ACSS3: variants seen among roughly 807,000 people sequenced by gnomAD.
ACSS3 encodes acyl-CoA synthetase short chain family member 3.
In ACSS3, 64 loss-of-function variants were observed where a neutral mutation model predicts 84.2. The ratio of observed to expected loss-of-function variants is 0.76; its 90% CI spans 0.62 to 0.94. The LOEUF is 0.94. ACSS3 is among the 40% of genes least tolerant of loss of function. ACSS3 has a pLI of 0.00. For synonymous variants in ACSS3, 317 were observed against 310.1 expected (o/e 1.02, Z -0.23); for missense variants, 815 against 867.6 (o/e 0.94, Z 0.76).
At chr12:81,198,937 T>TATG (rs2031973480) in intron 8 of ACSS3, among the ~76,000 whole-genome samples, 2 of 152,170 alleles carry the variant, frequency 1.3e-5, no homozygotes, top group African/African-American at 4.8e-5. Context: ...AGCCAACACT[T>TATG]ATGTATGTAT....
At chr12:81,106,496 G>A (rs1401410021) in intron 1 of ACSS3, among the ~76,000 whole-genome samples, 2 of 152,092 alleles carry the variant, frequency 1.3e-5, no homozygotes, top group African/African-American at 4.8e-5. Context: ...CACAATAAAT[G>A]TAATGCGCTT....
intron 5 of ACSS3, chr12:81,151,571 T>C: frequency 6.7e-6 from 2 of 297,436 alleles, no homozygotes; most frequent in South Asian, 1.2e-4. Flanking sequence ...GTATTGCATG[T>C]AATTTTGTGA....
At chr12:81,254,514 T>C (rs561942235) in intron 15 of ACSS3, among the ~76,000 whole-genome samples, 13 of 152,224 alleles carry the variant, frequency 8.5e-5, no homozygotes, top group South Asian at 4.1e-4. Flanking sequence ...ATCATTAAGA[T>C]AATAAAAGGC....
In ACSS3 at chr12:81,253,612, G is replaced by A. The variant is rs2136020672; in HGVS notation, c.1937G>A (p.Arg646Lys). The stretch of plus-strand genomic sequence containing the variant: ...TTTGTCAAACAGCTACCCAAAACCA[G>A]ATCTGGCAAGATCCCCCGATCAGCT... Reference protein sequence around the residue: ...AVFVKQLPKTRSGKIPRSALS... With the variant: ...AVFVKQLPKTKSGKIPRSALS... Residue 646 changes from arginine (R) to lysine (K), a missense_variant, in exon 15 of 16, where the codon AGA (arginine) becomes AAA (lysine). Arg to Lys is a conservative substitution (Grantham distance 26). Transcript: ENST00000548058. 6.2e-7 allele frequency: 1 copy of A among 1,613,932 alleles called. No homozygotes were observed. Among genetic ancestry groups the A allele is most frequent in the African/African-American group, 1.3e-5 (1 of 75,018 alleles).
chr12:81,093,725 A>T (rs539129722), intron 1 of ACSS3, among the ~76,000 whole-genome samples: 1 of 152,270 alleles, frequency 6.6e-6, no homozygotes, highest in South Asian at 2.1e-4. Context: ...ATAGTACATT[A>T]TTAAAATCAA....
At chr12:81,185,592 T>C (rs969645541) in intron 8 of ACSS3, among the ~76,000 whole-genome samples, 2 of 151,508 alleles carry the variant, frequency 1.3e-5, no homozygotes, top group Admixed American at 1.3e-4. Context: ...TACAATAACA[T>C]TGAAAAGATA....
rs1334935677 is a variant in ACSS3 at position 81,151,907 on chromosome 12, G to A, written c.985G>A (p.Gly329Arg). The A allele has an allele frequency of 3.7e-6, 6 of 1,613,702 alleles. No homozygotes were observed. Among genetic ancestry groups the A allele is most frequent in the African/African-American group, 1.3e-5 (1 of 74,992 alleles). Residue 329 changes from glycine (G) to arginine (R), a missense_variant, in exon 6 of 16, where the codon GGA (glycine) becomes AGA (arginine). Physicochemically the swap from Gly to Arg is moderately radical, Grantham distance 125. Transcript: ENST00000548058. ...MLHWSMSSIY[G>R]LQPGEVWWAA... is the part of the protein sequence containing the mutation. ...ACACTGGTCAATGTCTTCCATATAC[G>A]GACTTCAACCCGGAGAGGTAATCGT...
intron 9 of ACSS3, among the ~76,000 whole-genome samples, chr12:81,206,040 C>T (rs2032332855): frequency 6.6e-6 from 1 of 152,154 alleles, no homozygotes; most frequent in South Asian, 2.1e-4. Context: ...GATTTAAAAA[C>T]CTGTTTTATG....
At chr12:81,141,415 C>T (rs1886087708) in intron 4 of ACSS3, among the ~76,000 whole-genome samples, 1 of 152,202 alleles carries the variant, frequency 6.6e-6, no homozygotes, top group South Asian at 2.1e-4. Flanking sequence ...TTGGCTGCCA[C>T]ACCTAAGCCT....
Position 81,110,591 on chromosome 12 carries a change from C to A in ACSS3, c.456+887C>A, listed in dbSNP as rs369489742. ...AATGGTGCAAGGCAGGATTTCTCAA[C>A]TTTGGCACTGTTGATATTTTGGATC... On this transcript the variant is annotated intron_variant, in intron 2 of 15. Transcript: ENST00000548058. 2.1e-3 allele frequency among the ~76,000 whole-genome samples: 315 copies of A among 152,284 alleles called. 1 individual carries two copies. The highest frequency in any genetic ancestry group is 7.5e-3 in the African/African-American group (310 of 41,566).
intron 2 of ACSS3, chr12:81,118,174 C>G (rs1884212836): frequency 1.3e-5 from 2 of 152,198 alleles, no homozygotes; most frequent in Admixed American, 6.5e-5. Flanking sequence ...ACTATCCCCC[C>G]CTCCACTCAA....
At chr12:81,134,215 C>T (rs1302656831) in intron 2 of ACSS3, among the ~76,000 whole-genome samples, 1 of 152,116 alleles carries the variant, frequency 6.6e-6, no homozygotes, top group Admixed American at 6.6e-5. Context: ...TGTCCTGTTA[C>T]AGCATTTGCT....
chr12:81,174,556 G>GA (rs1281698453), intron 7 of ACSS3: 4 of 367,880 alleles, frequency 1.1e-5, no homozygotes, highest in East Asian at 4.1e-5. Context: ...ACTTGATGAA[G>GA]AAAAAATTGT....
intron 5 of ACSS3, among the ~76,000 whole-genome samples, chr12:81,145,447 G>A (rs1373691844): frequency 6.6e-6 from 1 of 152,154 alleles, no homozygotes; most frequent in East Asian, 1.9e-4. Context: ...GTAAAGTACA[G>A]TCCTTCTAGT....
At chr12:81,174,710 T>A in intron 7 of ACSS3, 78 bp from the exon 8 acceptor site, 1 of 1,414,432 alleles carries the variant, frequency 7.1e-7, no homozygotes, top group Non-Finnish European at 9.7e-7. Context: ...TATTGTTGTG[T>A]TAAATGTATA....
chr12:81,160,028 C>A (rs1334097947), intron 7 of ACSS3, among the ~76,000 whole-genome samples: 1 of 152,202 alleles, frequency 6.6e-6, no homozygotes, highest in East Asian at 1.9e-4. Flanking sequence ...CAGGCTTCCA[C>A]AATGACAGTG....
intron 11 of ACSS3, among the ~76,000 whole-genome samples, chr12:81,230,625 G>A (rs1481908665): frequency 6.6e-6 from 1 of 151,830 alleles, no homozygotes; most frequent in Non-Finnish European, 1.5e-5. Context: ...TGCTTAATTA[G>A]AATATTCTAT....
At chr12:81,132,884 A>T (rs1565996308) in intron 2 of ACSS3, among the ~76,000 whole-genome samples, 1 of 152,124 alleles carries the variant, frequency 6.6e-6, no homozygotes, top group Non-Finnish European at 1.5e-5. Context: ...GTACCTAGTA[A>T]TGTGATAATG....
At chr12:81,176,179 A>G (rs182137301) in intron 8 of ACSS3, among the ~76,000 whole-genome samples, 46 of 152,336 alleles carry the variant, frequency 3.0e-4, no homozygotes, top group Admixed American at 2.7e-3. Context: ...GCATTGATTC[A>G]ACAGAAATGT....
Sources: allele counts gnomAD v4.1 joint callset (sites outside exome capture counted in the v4.1 genomes callset), GRCh38; gene constraint gnomAD v4.1.1; transcripts MANE v1.5; gene names NCBI Gene and HGNC (gene_info 2026-07-23, HGNC 2026-07-21).